The following KAT2B variants were observed in gnomAD, a reference collection of about 807,000 sequenced individuals.
The protein encoded by KAT2B is histone acetyltransferase KAT2B.
KAT2B carries 36 observed loss-of-function variants against 105.9 expected under a neutral mutation model. The ratio of observed to expected loss-of-function variants is 0.34; its 90% confidence interval spans 0.26 to 0.45. The LOEUF (loss-of-function observed/expected upper bound fraction) is 0.45. KAT2B is among the 20% of genes least tolerant of loss of function. The pLI, the probability that KAT2B is intolerant of heterozygous loss-of-function variation, is 1.00. For synonymous variants in KAT2B, 397 were observed against 377.9 expected, an observed-to-expected ratio of 1.05 and a Z score of -0.59; for missense variants, 820 against 1,021.6, an observed-to-expected ratio of 0.80 and a Z score of 2.69.
At chr3:20,101,226 GGT>G in intron 4 of KAT2B, 59 bp from the exon 5 acceptor site, 1 of 1,339,720 alleles carries the variant, frequency 7.5e-7, no homozygotes, top group Non-Finnish European at 1.1e-6. Flanking sequence ...TGGCTGTGTG[GGT>G]GTTCAGAATT....
In KAT2B at chr3:20,059,201, T is replaced by A. The variant is rs187215406; in HGVS notation, c.304-13132T>A. On this transcript the variant is annotated intron_variant, in intron 1 of 17. Coordinates refer to ENST00000263754, the MANE Select transcript of KAT2B (RefSeq NM_003884.5). ...GCTGAGGTGGGCAGATCACTTGAGG[T>A]CGGGAGTTCGAGACCAGCCTGGCCA... 2.5e-4 allele frequency among the ~76,000 whole-genome samples: 37 copies of A among 149,724 alleles called. No homozygotes were observed. The East Asian group carries it at 7.1e-3, about 29-fold the overall frequency.
At chr3:20,071,156 A>T (rs1698315106) in intron 1 of KAT2B, among the ~76,000 whole-genome samples, 1 of 152,166 alleles carries the variant, frequency 6.6e-6, no homozygotes, top group African/African-American at 2.4e-5. Flanking sequence ...ATTGTTAATG[A>T]TGTATTTTAT....
chr3:20,115,852 A>G (rs1699198507), intron 7 of KAT2B, among the ~76,000 whole-genome samples: 1 of 152,162 alleles, frequency 6.6e-6, no homozygotes, highest in South Asian at 2.1e-4. Context: ...AGAATGTCAT[A>G]GGAGTGGAAT....
intron 7 of KAT2B, 116 bp downstream of exon 7, chr3:20,115,104 T>C: frequency 1.5e-6 from 1 of 647,856 alleles, no homozygotes; most frequent in Non-Finnish European, 2.7e-6. Context: ...AGCTCTATAG[T>C]CAAATGCTGG....
At chr3:20,148,086 G>T (rs11926045) in intron 15 of KAT2B, 87 bp downstream of exon 15, 1 of 1,417,084 alleles carries the variant, frequency 7.1e-7, no homozygotes, top group Admixed American at 1.7e-5. Context: ...CAAACTAATT[G>T]TAATCACTAA....
rs1419458877 is a variant in KAT2B at position 20,049,628 on chromosome 3, C to T, written c.303+8848C>T. On this transcript the variant is annotated intron_variant, in intron 1 of 17. Coordinates refer to ENST00000263754, the MANE Select transcript of KAT2B (RefSeq NM_003884.5). ...ACATTTGTTTTAGGCATTCTGCTGT[C>T]GTTTGAAATTTATTGTACTCCAATT... 2.0e-5 allele frequency among the ~76,000 whole-genome samples: 3 copies of T among 152,080 alleles called. No individual in the cohort carries two copies. The East Asian group carries it at 5.8e-4, about 30-fold the overall frequency.
chr3:20,147,272 T>C (rs1332870332), intron 14 of KAT2B, among the ~76,000 whole-genome samples: 2 of 152,222 alleles, frequency 1.3e-5, no homozygotes, highest in African/African-American at 2.4e-5. Flanking sequence ...CCAGAAATTC[T>C]ACTTCCATGT....
At chr3:20,148,154 G>A in intron 15 of KAT2B, 89 bp from the exon 16 acceptor site, 1 of 1,397,944 alleles carries the variant, frequency 7.2e-7, no homozygotes, top group Non-Finnish European at 1.0e-6. Context: ...TCCAATTTCA[G>A]GTTTTTGTAA....
intron 11 of KAT2B, among the ~76,000 whole-genome samples, chr3:20,134,033 C>G (rs1039578073): frequency 6.7e-6 from 1 of 149,222 alleles, no homozygotes; most frequent in Admixed American, 6.6e-5. Context: ...TACACCCCCC[C>G]TCACTTGTCA....
Position 20,072,482 on chromosome 3 carries a change from A to C in KAT2B, c.430+23A>C, listed in dbSNP as rs767845859. ...TAGGTGAGTTCCTAAATCTTCAAGG[A>C]AAGTATAACGAGTTCATTGTAGCGT... On this transcript the variant is annotated intron_variant, in intron 2 of 17. Transcript: ENST00000263754. 39 of 1,610,556 alleles carry C rather than the reference A, an allele frequency of 2.4e-5. No homozygotes were observed. The East Asian group carries it at 8.5e-4, about 35-fold the overall frequency.
At position 20,124,743 on chromosome 3, in the gene KAT2B, G is replaced by C. The variant is rs138551614; in HGVS notation, c.1414-1162G>C. Among the ~76,000 whole-genome samples, 17 of 152,268 alleles carry C rather than the reference G, an allele frequency of 1.1e-4. No individual in the cohort carries two copies. The East Asian group carries it at 3.1e-3, about 28-fold the overall frequency. On this transcript the variant is annotated intron_variant, in intron 9 of 17. Transcript: ENST00000263754. ...CACAAGAAAATTGTTAAATTTTCAG[G>C]AGTTTTGTGAGCTGGTTGTTCCATA...
intron 11 of KAT2B, among the ~76,000 whole-genome samples, chr3:20,130,123 G>A (rs559033251): frequency 2.0e-5 from 3 of 152,080 alleles, no homozygotes; most frequent in Non-Finnish European, 2.9e-5. Context: ...GATTACAGGC[G>A]TGAGCCACCA....
rs12106799 is a variant in KAT2B, at chr3:20,093,537, C to G, written c.431-1726C>G. 1.6e-3 allele frequency among the ~76,000 whole-genome samples: 241 copies of G among 152,262 alleles called. 1 individual carries two copies. Among genetic ancestry groups the G allele is most frequent in the African/African-American group, 4.6e-3 (192 of 41,556 alleles). ...TATAGGTGGATATTAGCAGCATCCT[C>G]TATCCCAGGCTTCTGACTGAGCATT... On this transcript the variant is annotated intron_variant, in intron 2 of 17. Coordinates refer to ENST00000263754, the MANE Select transcript of KAT2B (RefSeq NM_003884.5).
At chr3:20,053,223 A>G (rs142209125) in intron 1 of KAT2B, among the ~76,000 whole-genome samples, 177 of 152,196 alleles carry the variant, frequency 1.2e-3, no homozygotes, top group Middle Eastern at 3.4e-3. Flanking sequence ...CTCTTCTGCA[A>G]GTTACAATTA....
intron 1 of KAT2B, among the ~76,000 whole-genome samples, chr3:20,043,059 CTATTAT>C (rs890068863): frequency 9.9e-4 from 151 of 152,008 alleles, no homozygotes; most frequent in African/African-American, 3.4e-3. Flanking sequence ...CGCCAGTACA[CTATTAT>C]TATTATTATT....
chr3:20,057,064 T>C (rs536618650), intron 1 of KAT2B, among the ~76,000 whole-genome samples: 1 of 152,260 alleles, frequency 6.6e-6, no homozygotes, highest in African/African-American at 2.4e-5. Context: ...TTTCTTCTAG[T>C]TGGCTGATAA....
chr3:20,061,721 A>G (rs1031635825), intron 1 of KAT2B, among the ~76,000 whole-genome samples: 100 of 139,252 alleles, frequency 7.2e-4, no homozygotes, highest in African/African-American at 2.7e-3. Context: ...TTTCATACGT[A>G]TATATGAAAA....
Position 20,062,158 on chromosome 3 carries a change from AATATATAAT to A in KAT2B, c.304-10160_304-10152del, listed in dbSNP as rs1425585158. Among the ~76,000 whole-genome samples, 174 of 83,044 alleles carry A rather than the reference AATATATAAT, an allele frequency of 2.1e-3. 5 individuals are homozygous for A. Among genetic ancestry groups the A allele is most frequent in the African/African-American group, 8.3e-3 (166 of 19,982 alleles). 54.5% of individuals were successfully genotyped at this position (83,044 alleles called of 152,430 possible). ...AAATATATAATATATAAAAATATAT[AATATATAAT>A]ATATATAATATATAATATATAAAAT... On this transcript the variant is annotated intron_variant, in intron 1 of 17. Transcript: ENST00000263754.
At chr3:20,104,593 G>A (rs549632844) in intron 5 of KAT2B, among the ~76,000 whole-genome samples, 1 of 152,158 alleles carries the variant, frequency 6.6e-6, no homozygotes, top group Non-Finnish European at 1.5e-5. Flanking sequence ...TGATGTTGCT[G>A]TAAGAGAACC....
Sources: allele counts gnomAD v4.1 joint callset (sites outside exome capture counted in the v4.1 genomes callset), GRCh38; gene constraint gnomAD v4.1.1; transcripts MANE v1.5; gene names NCBI Gene and HGNC (gene_info 2026-07-23, HGNC 2026-07-21).